CCDC7: variants seen among roughly 807,000 people sequenced by gnomAD.
CCDC7 encodes coiled-coil domain-containing protein 7.
A neutral mutation model predicts 196.9 loss-of-function variants in CCDC7; 183 were observed. The observed-to-expected ratio is 0.93, with a 90% CI of 0.82 to 1.05. The LOEUF (loss-of-function observed/expected upper bound fraction) is 1.05, where lower values mean the gene tolerates loss of function less well. CCDC7 is among the 50% of genes least tolerant of loss of function. The probability of loss-of-function intolerance (pLI) is 0.00; values close to 1 mark genes in which losing one functional copy is unlikely to be tolerated. For missense variants in CCDC7, 1,540 were observed against 1,482.2 expected (o/e 1.04, Z -0.64); for synonymous variants, 525 against 484.6 (o/e 1.08, Z -1.10).
At chr10:32,451,965 AC>A in intron 1 of CCDC7, 44 bp downstream of exon 2, 1 of 1,562,444 alleles carries the variant, frequency 6.4e-7, no homozygotes, top group Non-Finnish European at 8.7e-7. Context: ...CCCCATGATC[AC>A]CCCAGGTTTA....
downstream of CCDC7, chr10:32,876,952 A>G (rs2094612167): frequency 6.6e-6 from 1 of 152,102 alleles, no homozygotes; most frequent in African/African-American, 2.4e-5. Flanking sequence ...AATCTGGGTT[A>G]TCACTGACAT....
At chr10:32,445,805 G>C (rs554665325), upstream of CCDC7, among the ~76,000 whole-genome samples, 2 of 152,332 alleles carry the variant, frequency 1.3e-5, no homozygotes, top group South Asian at 4.1e-4. Flanking sequence ...AGAGCTTGAG[G>C]AGACAGCAGA....
At chr10:32,721,457 T>C (rs1305231704) in intron 25 of CCDC7, among the ~76,000 whole-genome samples, 1 of 152,156 alleles carries the variant, frequency 6.6e-6, no homozygotes, top group South Asian at 2.1e-4. Flanking sequence ...GCATGGCCCA[T>C]TGGAAAGCCT....
chr10:32,614,689 C>T (rs1042768753), intron 18 of CCDC7, among the ~76,000 whole-genome samples: 6 of 152,146 alleles, frequency 3.9e-5, no homozygotes, highest in Admixed American at 3.9e-4. Flanking sequence ...TGTGGATTGA[C>T]TTACCCTGCT....
At chr10:32,694,894 C>T (rs1304706902) in exon 24 of CCDC7, 2 of 1,591,974 alleles carry the variant, frequency 1.3e-6, no homozygotes, top group African/African-American at 2.7e-5. Flanking sequence ...GATGAAGAAC[C>T]AGGCAAAAAT....
intron 21 of CCDC7, among the ~76,000 whole-genome samples, chr10:32,678,663 G>A (rs1565104479): frequency 1.3e-5 from 2 of 152,120 alleles, no homozygotes; most frequent in African/African-American, 4.8e-5. Flanking sequence ...AGGCCTCTCA[G>A]GTTATACCAT....
At chr10:32,840,991 A>G (rs1185711235) in intron 33 of CCDC7, among the ~76,000 whole-genome samples, 1 of 152,040 alleles carries the variant, frequency 6.6e-6, no homozygotes, top group Non-Finnish European at 1.5e-5. Flanking sequence ...TCGGCATAAA[A>G]GGAACATAAC....
chr10:32,475,020 TCTGA>T (rs1349481228), intron 8 of CCDC7, among the ~76,000 whole-genome samples: 1 of 152,186 alleles, frequency 6.6e-6, no homozygotes, highest in Non-Finnish European at 1.5e-5. Flanking sequence ...TGAAGAGAGC[TCTGA>T]CTGACTAGGT....
At chr10:32,812,971 T>A (rs1375580074) in intron 30 of CCDC7, among the ~76,000 whole-genome samples, 2 of 152,214 alleles carry the variant, frequency 1.3e-5, no homozygotes, top group African/African-American at 4.8e-5. Context: ...ATCTTATGGA[T>A]CACTTTTTAC....
chr10:32,817,443 T>C (rs567405576), intron 31 of CCDC7, among the ~76,000 whole-genome samples: 53 of 152,180 alleles, frequency 3.5e-4, no homozygotes, highest in African/African-American at 1.1e-3. Context: ...ACTTCCCCAA[T>C]CTAGCAAGGC....
chr10:32,864,769 T>G (rs976313447), intron 41 of CCDC7, among the ~76,000 whole-genome samples: 2 of 151,748 alleles, frequency 1.3e-5, no homozygotes, highest in African/African-American at 2.4e-5. Flanking sequence ...AGCTTAAAAC[T>G]TAAAAGAAAA....
At chr10:32,688,735 G>T (rs1370768709) in intron 22 of CCDC7, among the ~76,000 whole-genome samples, 2 of 152,122 alleles carry the variant, frequency 1.3e-5, no homozygotes, top group Admixed American at 6.6e-5. Context: ...ATGCTGTAAT[G>T]AATAACTTGG....
intron 18 of CCDC7, among the ~76,000 whole-genome samples, chr10:32,614,103 A>G (rs894159355): frequency 5.3e-5 from 8 of 152,048 alleles, no homozygotes; most frequent in Non-Finnish European, 2.9e-5. Context: ...TATTGGGTGA[A>G]TATATATTTA....
At chr10:32,710,909 T>C (rs1470544349) in intron 24 of CCDC7, among the ~76,000 whole-genome samples, 2 of 152,054 alleles carry the variant, frequency 1.3e-5, no homozygotes, top group Non-Finnish European at 2.9e-5. Flanking sequence ...TAAGCAAGAG[T>C]GTAAACATGG....
chr10:32,672,210 A>G (rs566224314), intron 21 of CCDC7, among the ~76,000 whole-genome samples: 2 of 152,282 alleles, frequency 1.3e-5, no homozygotes, highest in Admixed American at 1.3e-4. Flanking sequence ...CAAGGTGCAG[A>G]TTCCTGTGAA....
intron 39 of CCDC7, 77 bp downstream of exon 40, chr10:32,848,795 C>A: frequency 8.8e-7 from 1 of 1,142,774 alleles, no homozygotes; most frequent in Non-Finnish European, 1.3e-6. Flanking sequence ...TTTTCATTTA[C>A]TCTTTTTGCA....
intron 3 of CCDC7, among the ~76,000 whole-genome samples, 184 bp from the exon 5 acceptor site, chr10:32,462,499 G>A (rs1042059971): frequency 2.6e-5 from 4 of 152,092 alleles, no homozygotes; most frequent in South Asian, 2.1e-4. Flanking sequence ...GTCTATGCAA[G>A]GTGAACTAAA....
intron 8 of CCDC7, among the ~76,000 whole-genome samples, chr10:32,483,976 T>C (rs1414731207): frequency 2.0e-5 from 3 of 152,270 alleles, no homozygotes; most frequent in East Asian, 1.9e-4. Flanking sequence ...CTTGGCAATG[T>C]GGGCTCTTTT....
chr10:32,851,875 G>T, exon 40 of CCDC7: 1 of 1,611,486 alleles, frequency 6.2e-7, no homozygotes, highest in Non-Finnish European at 8.5e-7. Context: ...AACATATAGG[G>T]CTGGTCCAAG....
Sources: allele counts gnomAD v4.1 joint callset (sites outside exome capture counted in the v4.1 genomes callset), GRCh38; gene constraint gnomAD v4.1.1; transcripts MANE v1.5; gene names NCBI Gene and HGNC (gene_info 2026-07-23, HGNC 2026-07-21).